Variants in SCFD1 observed in about 807,000 individuals in gnomAD.
SCFD1 encodes sec1 family domain containing 1.
A neutral mutation model predicts 103.2 loss-of-function variants in SCFD1; 37 were observed. The observed-to-expected ratio is 0.36, with a 90% CI of 0.28 to 0.47. The LOEUF (loss-of-function observed/expected upper bound fraction) is 0.47, where lower values mean the gene tolerates loss of function less well. Ranked by LOEUF, SCFD1 falls within the 20% of genes least tolerant of loss-of-function variation. The probability of loss-of-function intolerance (pLI) is 1.00; values close to 1 mark genes in which losing one functional copy is unlikely to be tolerated. For synonymous variants in SCFD1, 264 were observed against 245.0 expected (o/e 1.08, Z -0.73); for missense variants, 639 against 761.2 (o/e 0.84, Z 1.89).
intron 14 of SCFD1, among the ~76,000 whole-genome samples, chr14:30,675,615 A>G (rs1888966180): frequency 6.6e-6 from 1 of 152,158 alleles, no homozygotes; most frequent in African/African-American, 2.4e-5. Flanking sequence ...TTGTCAGCTT[A>G]CTTAATCAGT....
intron 23 of SCFD1, 188 bp from the exon 24 acceptor site, chr14:30,734,602 C>G: frequency 1.8e-6 from 1 of 550,750 alleles, no homozygotes; most frequent in Non-Finnish European, 3.3e-6. Context: ...AAATACTATG[C>G]TCATTTCACC....
chr14:30,633,934 TTA>T lies in SCFD1; in HGVS notation c.222-11_222-10del. The T allele has an allele frequency of 6.6e-7, 1 of 1,514,456 alleles. No homozygotes were observed. Among genetic ancestry groups the T allele is most frequent in the Non-Finnish European group, 9.0e-7 (1 of 1,110,112 alleles). The allele number at this position is 1,514,456 out of a possible 1,614,324, so 93.8% of individuals were successfully genotyped here. A position where few individuals can be genotyped will look rare whatever the true frequency, so the allele number is the denominator to read the frequency against. On this transcript the variant is annotated splice_polypyrimidine_tract_variant and intron_variant, in intron 3 of 24. Coordinates refer to ENST00000458591, the MANE Select transcript of SCFD1 (RefSeq NM_016106.4). Reference sequence around the variant, plus strand: ...GAATAAAAAAATAAGTTTTAGTTCCTTATGTCTTCTAGGCTTTTACACTCTGA... The same window carrying T: ...GAATAAAAAAATAAGTTTTAGTTCCTTGTCTTCTAGGCTTTTACACTCTGA...
chr14:30,717,827 T>G (rs1594757737), intron 20 of SCFD1, among the ~76,000 whole-genome samples: 1 of 146,024 alleles, frequency 6.8e-6, no homozygotes, highest in East Asian at 2.0e-4. Flanking sequence ...GAGTTTGCAG[T>G]AAGCCGAGAT....
At chr14:30,629,443 C>G (rs995908479) in intron 2 of SCFD1, among the ~76,000 whole-genome samples, 3 of 151,942 alleles carry the variant, frequency 2.0e-5, no homozygotes, top group Non-Finnish European at 4.4e-5. Flanking sequence ...TTGTCTTAAC[C>G]GTGAAACTAA....
At chr14:30,664,545 T>C (rs1276738885) in intron 10 of SCFD1, among the ~76,000 whole-genome samples, 2 of 152,068 alleles carry the variant, frequency 1.3e-5, no homozygotes, top group African/African-American at 4.8e-5. Context: ...GGACGGAGAA[T>C]GATGAGTTGA....
At chr14:30,694,638 T>A in intron 14 of SCFD1, 135 bp from the exon 15 acceptor site, 4 of 1,282,416 alleles carry the variant, frequency 3.1e-6, no homozygotes, top group Non-Finnish European at 4.0e-6. Context: ...CTGGTACTTC[T>A]GAACTGTACT....
At chr14:30,703,957 ATATATAAAT>A (rs1566645992) in intron 17 of SCFD1, among the ~76,000 whole-genome samples, 17 of 51,068 alleles carry the variant, frequency 3.3e-4, no homozygotes, top group East Asian at 3.1e-3. Flanking sequence ...ATATATATAT[ATATATAAAT>A]AATGAGATAT....
intron 4 of SCFD1, among the ~76,000 whole-genome samples, chr14:30,635,960 A>C (rs919749085): frequency 2.0e-5 from 3 of 152,122 alleles, no homozygotes; most frequent in Admixed American, 1.3e-4. Context: ...ATAGGTTTGA[A>C]GTGGCATCTC....
intron 2 of SCFD1, among the ~76,000 whole-genome samples, chr14:30,629,065 A>G (rs1029142677): frequency 1.3e-5 from 2 of 152,246 alleles, no homozygotes; most frequent in African/African-American, 2.4e-5. Flanking sequence ...GCATCTTCCT[A>G]TTGCCTCTTG....
chr14:30,673,294 C>G lies in SCFD1; in HGVS notation c.1033C>G (p.Leu345Val). 6.3e-7 allele frequency: 1 copy of G among 1,599,426 alleles called. No homozygotes were observed. Among genetic ancestry groups the G allele is most frequent in the South Asian group, 1.1e-5 (1 of 89,160 alleles). Residue 345 changes from leucine (L) to valine (V), a missense_variant, in exon 12 of 25, where the codon CTA becomes GTA. Leu to Val is a conservative substitution (Grantham distance 32). Transcript: ENST00000458591. ...AGTTGCAGAATCAGTTCAGCAAGAA[C>G]TAGAATCTTACAGAGCACAGGAAGA... The part of the protein sequence containing the change: ...PEVAESVQQE[L>V]ESYRAQEDEV...
intron 10 of SCFD1, among the ~76,000 whole-genome samples, chr14:30,667,384 T>A (rs888001043): frequency 6.6e-6 from 1 of 152,160 alleles, no homozygotes; most frequent in Non-Finnish European, 1.5e-5. Context: ...CTCAATAAAT[T>A]AGGTATTGAT....
chr14:30,643,882 T>G (rs562556912), intron 7 of SCFD1: 9 of 451,152 alleles, frequency 2.0e-5, no homozygotes, highest in African/African-American at 1.0e-4. Context: ...TATTTTAGGT[T>G]TGGGGGATAC....
chr14:30,626,263 T>G (rs1000717395), intron 1 of SCFD1, among the ~76,000 whole-genome samples: 3 of 152,140 alleles, frequency 2.0e-5, no homozygotes, highest in Non-Finnish European at 4.4e-5. Flanking sequence ...TATTTTTGGC[T>G]GGACATTAGG....
At chr14:30,645,299 A>G (rs1355699744) in intron 7 of SCFD1, among the ~76,000 whole-genome samples, 1 of 151,916 alleles carries the variant, frequency 6.6e-6, no homozygotes, top group Non-Finnish European at 1.5e-5. Context: ...TTTTGCTTAG[A>G]TTTGCTTTGG....
chr14:30,725,370 T>C (rs543048654), intron 23 of SCFD1, among the ~76,000 whole-genome samples: 1 of 152,274 alleles, frequency 6.6e-6, no homozygotes, highest in South Asian at 2.1e-4. Context: ...TGAGCAGTGG[T>C]TTGTAGTTCT....
chr14:30,630,549 G>A lies in SCFD1; in HGVS notation c.205G>A (p.Gly69Arg), dbSNP rs774280788. The change falls in exon 3 of 25, where the codon GGA (glycine) becomes AGA (arginine). Residue 69 changes from glycine (G) to arginine (R), a missense_variant. Coordinates refer to ENST00000458591, the MANE Select transcript of SCFD1 (RefSeq NM_016106.4). The part of the protein sequence containing the change: ...LLSVKELRDM[G>R]ITLHLLLHSD... Reference sequence around the variant, plus strand: ...ATCTGTGAAGGAGCTAAGAGACATGGGAATCACTCTGCATCTGTGAGTTTT... The same window carrying A: ...ATCTGTGAAGGAGCTAAGAGACATGAGAATCACTCTGCATCTGTGAGTTTT... 59 of 1,583,250 alleles carry A rather than the reference G, an allele frequency of 3.7e-5. No individual in the cohort carries two copies. The highest frequency in any genetic ancestry group is 3.3e-4 in the Middle Eastern group (2 of 6,018).
chr14:30,622,591 G>A (rs1882959676), intron 1 of SCFD1, 192 bp downstream of exon 1: 2 of 968,480 alleles, frequency 2.1e-6, no homozygotes, highest in Non-Finnish European at 2.9e-6. Context: ...CTGTGGTGCA[G>A]GAGAAGGAGC....
intron 10 of SCFD1, among the ~76,000 whole-genome samples, chr14:30,654,904 C>T (rs1351576928): frequency 6.6e-6 from 1 of 152,058 alleles, no homozygotes; most frequent in Non-Finnish European, 1.5e-5. Flanking sequence ...TTAAATTAAA[C>T]CCTAAGTAGT....
intron 16 of SCFD1, among the ~76,000 whole-genome samples, chr14:30,701,245 C>T (rs1254928780): frequency 6.6e-6 from 1 of 152,196 alleles, no homozygotes; most frequent in Non-Finnish European, 1.5e-5. Context: ...TTCTGCTTTA[C>T]CCTGGGAACA....
Sources: allele counts gnomAD v4.1 joint callset (sites outside exome capture counted in the v4.1 genomes callset), GRCh38; gene constraint gnomAD v4.1.1; transcripts MANE v1.5; gene names NCBI Gene and HGNC (gene_info 2026-07-23, HGNC 2026-07-21).